The following RAD51B variants were observed in gnomAD, a reference collection of about 807,000 sequenced individuals.
RAD51B encodes the protein RAD51 paralog B, also known as DNA repair protein RAD51 homolog 2.
Under a neutral mutation model 42.2 loss-of-function variants are expected in RAD51B, and 38 were observed. The observed-to-expected ratio is 0.90, with a 90% confidence interval of 0.70 to 1.18. The LOEUF is 1.18. RAD51B is among the 50% of genes most tolerant of loss of function. RAD51B has a pLI of 0.00. For synonymous variants in RAD51B, 154 were observed against 145.2 expected (o/e 1.06, Z -0.43); for missense variants, 373 against 400.7 (o/e 0.93, Z 0.59).
intron 7 of RAD51B, among the ~76,000 whole-genome samples, chr14:68,260,145 T>C (rs1401679643): frequency 1.3e-5 from 2 of 152,086 alleles, no homozygotes; most frequent in Non-Finnish European, 2.9e-5. Flanking sequence ...TTGCATTAGC[T>C]GAGACCTAAG....
rs111455055 is a variant in RAD51B, at chr14:67,827,237, A to G, written c.198+1660A>G. On this transcript the variant is annotated intron_variant, in intron 3 of 10. Coordinates refer to ENST00000471583, the MANE Select transcript of RAD51B (RefSeq NM_133510.4). Reference sequence around the variant, plus strand: ...TTGTAAAGCACCAGAAAAACCTTTAATTTGTCATCTGTCATTCTAATTAGT... The same window carrying G: ...TTGTAAAGCACCAGAAAAACCTTTAGTTTGTCATCTGTCATTCTAATTAGT... Among the ~76,000 whole-genome samples the G allele has an allele frequency of 8.5e-4, 130 of 152,284 alleles. 1 individual carries two copies. Among genetic ancestry groups the G allele is most frequent in the African/African-American group, 3.1e-3 (127 of 41,570 alleles).
At chr14:68,531,278 A>G (rs1298987270) in intron 10 of RAD51B, among the ~76,000 whole-genome samples, 1 of 152,204 alleles carries the variant, frequency 6.6e-6, no homozygotes, top group Non-Finnish European at 1.5e-5. Context: ...GATGGTAACT[A>G]CAATAAATGT....
intron 10 of RAD51B, among the ~76,000 whole-genome samples, chr14:68,560,717 C>T (rs1395505780): frequency 2.0e-5 from 3 of 152,104 alleles, no homozygotes; most frequent in Non-Finnish European, 4.4e-5. Flanking sequence ...GGCTGGGTGA[C>T]AAAAGTGAGA....
intron 7 of RAD51B, among the ~76,000 whole-genome samples, chr14:68,174,299 C>T (rs1016571089): frequency 9.2e-5 from 14 of 151,720 alleles, no homozygotes; most frequent in African/African-American, 3.4e-4. Flanking sequence ...ATCCCTGGAG[C>T]CCAGGAGTTC....
intron 7 of RAD51B, among the ~76,000 whole-genome samples, chr14:68,220,946 C>T (rs772649398): frequency 1.3e-4 from 20 of 152,002 alleles, no homozygotes; most frequent in Admixed American, 5.2e-4. Flanking sequence ...TCCTGGCCAA[C>T]GTGGTGAAAC....
chr14:67,823,386 CCTTT>C (rs36105495), intron 1 of RAD51B, 152 bp from the exon 2 acceptor site: 1 of 565,106 alleles, frequency 1.8e-6, no homozygotes, highest in African/African-American at 1.9e-5. Flanking sequence ...CTATAGCATT[CCTTT>C]ATCAGTAATA....
intron 3 of RAD51B, among the ~76,000 whole-genome samples, chr14:67,826,576 C>A (rs1292476063): frequency 6.6e-6 from 1 of 152,056 alleles, no homozygotes; most frequent in Non-Finnish European, 1.5e-5. Flanking sequence ...TTACTGAACA[C>A]TGAACAATGA....
intron 7 of RAD51B, among the ~76,000 whole-genome samples, chr14:68,153,817 T>G (rs2140786783): frequency 6.6e-6 from 1 of 152,334 alleles, no homozygotes; most frequent in African/African-American, 2.4e-5. Flanking sequence ...GCAAATAGAC[T>G]TTAATAATTA....
intron 7 of RAD51B, among the ~76,000 whole-genome samples, chr14:68,104,480 G>A (rs1253655052): frequency 2.0e-5 from 3 of 152,146 alleles, no homozygotes; most frequent in African/African-American, 4.8e-5. Context: ...GAGAAACAAA[G>A]CACTTAGACC....
chr14:68,285,431 A>G (rs1016690151), intron 7 of RAD51B, among the ~76,000 whole-genome samples: 2 of 152,228 alleles, frequency 1.3e-5, no homozygotes, highest in African/African-American at 4.8e-5. Flanking sequence ...TTCAGAGCTG[A>G]TGAAAGGCAG....
intron 7 of RAD51B, chr14:68,114,083 C>T (rs1213862582): frequency 6.6e-6 from 1 of 152,026 alleles, no homozygotes; most frequent in African/African-American, 2.4e-5. Context: ...TGAGAGTTTT[C>T]CACACTGAAT....
chr14:68,196,338 A>G (rs551612403), intron 7 of RAD51B, among the ~76,000 whole-genome samples: 2 of 152,280 alleles, frequency 1.3e-5, no homozygotes, highest in East Asian at 1.9e-4. Flanking sequence ...ATAGGTTTAT[A>G]TTATTTCCCT....
intron 7 of RAD51B, among the ~76,000 whole-genome samples, chr14:68,143,641 A>G (rs541698291): frequency 8.3e-4 from 126 of 152,230 alleles, no homozygotes; most frequent in African/African-American, 2.9e-3. Context: ...CTCTCCCTTT[A>G]TATTTGTGCC....
Position 68,197,044 on chromosome 14 carries a change from TACTAAC to T in RAD51B, c.757-94839_757-94834del, listed in dbSNP as rs1271316744. On this transcript the variant is annotated intron_variant, in intron 7 of 10. Transcript: ENST00000471583. ...GGAAGTTTTCCTTATTTACTCATGATACTAACTCAAGGAAATGCAATGATTTTTTTT... is the reference window on the plus strand; with the variant it reads ...GGAAGTTTTCCTTATTTACTCATGATTCAAGGAAATGCAATGATTTTTTTT... Among the ~76,000 whole-genome samples the T allele has an allele frequency of 2.0e-5, 3 of 152,344 alleles. No homozygotes were observed. The East Asian group carries it at 5.8e-4, about 29-fold the overall frequency.
intron 10 of RAD51B, among the ~76,000 whole-genome samples, chr14:68,625,850 G>A (rs6573846): frequency 4.6e-5 from 7 of 152,184 alleles, no homozygotes; most frequent in South Asian, 2.1e-4. Context: ...GGGCTGCCCC[G>A]CAAGAAGCAA....
At chr14:68,677,638 T>C (rs1893339031) in intron 11 of RAD51B, among the ~76,000 whole-genome samples, 1 of 152,188 alleles carries the variant, frequency 6.6e-6, no homozygotes, top group African/African-American at 2.4e-5. Context: ...AGCGTGGGTG[T>C]CCTCCCCCGT....
intron 8 of RAD51B, among the ~76,000 whole-genome samples, chr14:68,316,476 T>C (rs979708314): frequency 6.6e-5 from 10 of 152,230 alleles, no homozygotes; most frequent in Non-Finnish European, 4.4e-5. Context: ...AGGTCTTACT[T>C]TAGCCAACAT....
chr14:68,111,153 A>T (rs1283794822), intron 7 of RAD51B, among the ~76,000 whole-genome samples: 2 of 152,052 alleles, frequency 1.3e-5, no homozygotes, highest in Non-Finnish European at 2.9e-5. Context: ...CACTTGTATA[A>T]TTCACCATTT....
chr14:67,985,699 C>T (rs908829384), intron 7 of RAD51B, among the ~76,000 whole-genome samples: 5 of 151,696 alleles, frequency 3.3e-5, no homozygotes, highest in African/African-American at 1.2e-4. Flanking sequence ...CGCTTGCGTT[C>T]CAGACCAGCC....
Sources: gnomAD v4.1 joint callset for allele counts (sites outside exome capture counted in the v4.1 genomes callset) on GRCh38, gnomAD v4.1.1 for gene constraint, MANE v1.5 for transcripts, NCBI Gene and HGNC (gene_info 2026-07-23, HGNC 2026-07-21) for gene names.